The following FER variants were observed in gnomAD, a reference collection of about 807,000 sequenced individuals.
The protein encoded by FER is tyrosine-protein kinase Fer.
In FER, 63 loss-of-function variants were observed where a neutral mutation model predicts 111.0. The observed-to-expected ratio is 0.57, with a 90% CI of 0.46 to 0.70. The LOEUF (loss-of-function observed/expected upper bound fraction) is 0.70. Among genes scored for constraint, FER ranks in the 30% least tolerant of loss-of-function variants. The pLI is 0.00. For missense variants in FER, 914 were observed against 954.0 expected, an observed-to-expected ratio of 0.96 and a Z score of 0.55; for synonymous variants, 327 against 313.9, an observed-to-expected ratio of 1.04 and a Z score of -0.44.
intron 12 of FER, among the ~76,000 whole-genome samples, chr5:108,957,068 AC>A (rs1017566037): frequency 2.0e-5 from 3 of 151,638 alleles, no homozygotes; most frequent in South Asian, 2.1e-4. Flanking sequence ...TGGAGTTAGA[AC>A]ACTTGGCTTT....
At chr5:109,113,544 T>C (rs1275921850) in intron 17 of FER, among the ~76,000 whole-genome samples, 2 of 152,150 alleles carry the variant, frequency 1.3e-5, no homozygotes, top group Admixed American at 6.6e-5. Flanking sequence ...ACATTTTTCA[T>C]AGGAAACTCT....
At chr5:108,839,727 G>A (rs942857309) in intron 5 of FER, among the ~76,000 whole-genome samples, 49 of 151,920 alleles carry the variant, frequency 3.2e-4, no homozygotes, top group Admixed American at 5.9e-4. Flanking sequence ...ACAGGCGCCC[G>A]CCATCACGCC....
intron 6 of FER, among the ~76,000 whole-genome samples, chr5:108,870,219 C>A (rs1764472082): frequency 1.3e-5 from 2 of 151,988 alleles, no homozygotes; most frequent in African/African-American, 4.8e-5. Context: ...GATTATATCA[C>A]CACAGATGAA....
intron 17 of FER, among the ~76,000 whole-genome samples, chr5:109,123,953 G>A (rs926738566): frequency 6.6e-6 from 1 of 152,146 alleles, no homozygotes; most frequent in African/African-American, 2.4e-5. Context: ...AAAAGAGCAT[G>A]GCGCAGTGGC....
intron 17 of FER, among the ~76,000 whole-genome samples, chr5:109,175,496 C>T (rs754500691): frequency 6.6e-6 from 1 of 152,018 alleles, no homozygotes; most frequent in African/African-American, 2.4e-5. Context: ...TATAAAACTA[C>T]TTCAGAAAAC....
chr5:108,807,740 G>C (rs1757349098), intron 3 of FER, among the ~76,000 whole-genome samples: 1 of 151,990 alleles, frequency 6.6e-6, no homozygotes, highest in Admixed American at 6.6e-5. Context: ...CTACCTTTTT[G>C]AGGTGGTGTT....
chr5:108,820,558 T>A (rs10477432), intron 3 of FER: 223,119 of 983,166 alleles, frequency 0.23, 25,906 homozygotes, highest in Middle Eastern at 0.32. Flanking sequence ...TTCTGGCCTG[T>A]TCTGTGTTTA....
intron 11 of FER, among the ~76,000 whole-genome samples, chr5:108,952,358 T>G (rs187270237): frequency 2.2e-3 from 330 of 152,254 alleles, no homozygotes; most frequent in African/African-American, 7.4e-3. Flanking sequence ...TAAAATTGTT[T>G]GGGATTTCAT....
chr5:109,161,843 A>G (rs1477754869), intron 17 of FER, among the ~76,000 whole-genome samples: 1 of 152,058 alleles, frequency 6.6e-6, no homozygotes, highest in Non-Finnish European at 1.5e-5. Context: ...AGGAATCGCC[A>G]CACTGTCTTC....
chr5:108,799,783 AC>A (rs1756426412), intron 3 of FER, among the ~76,000 whole-genome samples: 1 of 150,862 alleles, frequency 6.6e-6, no homozygotes, highest in South Asian at 2.1e-4. Context: ...TTGGTAAGCT[AC>A]CTGGTGTTTC....
intron 5 of FER, among the ~76,000 whole-genome samples, chr5:108,838,074 T>C (rs1760855226): frequency 6.6e-6 from 1 of 152,210 alleles, no homozygotes; most frequent in Admixed American, 6.5e-5. Flanking sequence ...CAAAACTGTG[T>C]TTATACTCAT....
chr5:108,955,014 G>A, intron 12 of FER, 82 bp downstream of exon 12: 1 of 1,198,116 alleles, frequency 8.3e-7, no homozygotes, highest in Non-Finnish European at 1.2e-6. Flanking sequence ...AATGGTTTGT[G>A]ATAAATGCCT....
chr5:108,939,046 G>A (rs1208364761), intron 10 of FER, among the ~76,000 whole-genome samples: 2 of 151,852 alleles, frequency 1.3e-5, no homozygotes, highest in African/African-American at 4.8e-5. Flanking sequence ...AAAATCTGTG[G>A]GACTACAGAA....
rs1487493973 is a variant in FER, at chr5:109,123,862, A to G, written c.2048+23343A>G. Among the ~76,000 whole-genome samples, 3 of 152,154 alleles carry G rather than the reference A, an allele frequency of 2.0e-5. 1 individual carries two copies. The South Asian group carries it at 6.2e-4, about 32-fold the overall frequency. On this transcript the variant is annotated intron_variant, in intron 17 of 19. Coordinates refer to ENST00000281092, the MANE Select transcript of FER (RefSeq NM_005246.4). ...CCTGTTATTGAACATCTTAGTATCT[A>G]GTTACACTGTGGGCTTATGTTGTTC...
At chr5:109,166,299 CG>C (rs1756550735) in intron 17 of FER, among the ~76,000 whole-genome samples, 1 of 151,858 alleles carries the variant, frequency 6.6e-6, no homozygotes. Context: ...CATAACAAGC[CG>C]GTTAAAATGA....
chr5:108,823,115 C>T (rs995829039), intron 3 of FER, among the ~76,000 whole-genome samples: 1 of 152,228 alleles, frequency 6.6e-6, no homozygotes. Flanking sequence ...GATCTGCCCC[C>T]CTTGGCCTCC....
At chr5:109,067,227 TTTG>T (rs111663056) in intron 16 of FER, among the ~76,000 whole-genome samples, 5,989 of 150,056 alleles carry the variant, frequency 0.04, 161 homozygotes, top group South Asian at 0.085. Flanking sequence ...GAGTGACTGG[TTTG>T]TTGTTGTTGT....
chr5:108,946,777 A>G (rs568987411), intron 11 of FER, among the ~76,000 whole-genome samples: 1 of 145,310 alleles, frequency 6.9e-6, no homozygotes, highest in African/African-American at 2.6e-5. Context: ...ATGAACAAAC[A>G]CACAGAAGAG....
At chr5:108,998,886 A>G (rs1764353451) in intron 13 of FER, among the ~76,000 whole-genome samples, 2 of 152,186 alleles carry the variant, frequency 1.3e-5, no homozygotes, top group Admixed American at 6.5e-5. Context: ...TTTTGCCTCG[A>G]TGTTAAAGTG....
Sources: gnomAD v4.1 joint callset for allele counts (sites outside exome capture counted in the v4.1 genomes callset) on GRCh38, gnomAD v4.1.1 for gene constraint, MANE v1.5 for transcripts, NCBI Gene and HGNC (gene_info 2026-07-23, HGNC 2026-07-21) for gene names.